The following MIR2052HG variants were observed in gnomAD, a reference collection of about 807,000 sequenced individuals.
MIR2052HG encodes the protein MIR2052 host gene.
In MIR2052HG at chr8:74,690,375, G is replaced by A. The variant is rs115046744; in HGVS notation, n.217-12004G>A. ...ATTCCAGATTGAGGAAACAGTGTGA[G>A]CTAATGTACAGAGGCAGGAATTTAG... On this transcript the variant is annotated intron_variant and non_coding_transcript_variant, in intron 2 of 6. Transcript: ENST00000523442. Among the ~76,000 whole-genome samples the A allele has an allele frequency of 5.3e-3, 805 of 152,290 alleles. 7 individuals carry two copies. Among genetic ancestry groups the A allele is most frequent in the African/African-American group, 0.018 (740 of 41,566 alleles).
At chr8:74,756,394 A>G (rs1160012963) in intron 5 of MIR2052HG, among the ~76,000 whole-genome samples, 1 of 152,200 alleles carries the variant, frequency 6.6e-6, no homozygotes, top group Non-Finnish European at 1.5e-5. Flanking sequence ...ATGATCACTC[A>G]TTAGGATAAT....
rs1365563531 is a variant in MIR2052HG at position 74,733,959 on chromosome 8, G to A, written n.372-18482G>A. Reference sequence around the variant, plus strand: ...CATGTCTAAAACACCAAAAGCAATGGCAACAAAAGCCAAAACTGACAAATG... The same window carrying A: ...CATGTCTAAAACACCAAAAGCAATGACAACAAAAGCCAAAACTGACAAATG... On this transcript the variant is annotated intron_variant and non_coding_transcript_variant, in intron 4 of 6. Transcript: ENST00000523442. 2.6e-5 allele frequency among the ~76,000 whole-genome samples: 4 copies of A among 152,210 alleles called. No homozygotes were observed. The East Asian group carries it at 7.7e-4, about 29-fold the overall frequency.
chr8:74,746,345 C>A (rs999207134), intron 4 of MIR2052HG, among the ~76,000 whole-genome samples: 1 of 152,078 alleles, frequency 6.6e-6, no homozygotes, highest in African/African-American at 2.4e-5. Flanking sequence ...CGACTTAATG[C>A]AACTACATTG....
intron 4 of MIR2052HG, among the ~76,000 whole-genome samples, chr8:74,727,392 G>A (rs866859194): frequency 6.6e-6 from 1 of 152,046 alleles, no homozygotes; most frequent in East Asian, 1.9e-4. Context: ...AACTAATTTT[G>A]TATTACATAT....
At chr8:74,692,795 T>G (rs1455054106) in intron 2 of MIR2052HG, among the ~76,000 whole-genome samples, 1 of 152,234 alleles carries the variant, frequency 6.6e-6, no homozygotes, top group African/African-American at 2.4e-5. Context: ...TGTAAGATGC[T>G]TTTCTGCCCA....
intron 4 of MIR2052HG, among the ~76,000 whole-genome samples, chr8:74,711,209 T>C (rs1728183626): frequency 6.6e-6 from 1 of 152,178 alleles, no homozygotes; most frequent in African/African-American, 2.4e-5. Context: ...CTGTCACACA[T>C]TCTCCTGGCT....
exon 1 of MIR2052HG, chr8:74,599,834 C>T (rs1156309644): frequency 8.2e-5 from 13 of 158,048 alleles, no homozygotes; most frequent in Middle Eastern, 3.0e-3. Context: ...GCCTCGCTGC[C>T]GCCTTGCAGT....
intron 4 of MIR2052HG, among the ~76,000 whole-genome samples, chr8:74,749,879 A>G (rs886939691): frequency 6.7e-6 from 1 of 150,112 alleles, no homozygotes; most frequent in African/African-American, 2.5e-5. Flanking sequence ...ATTGTAGGCT[A>G]CATTTGGAGT....
At chr8:74,723,733 G>A (rs150185043) in intron 4 of MIR2052HG, among the ~76,000 whole-genome samples, 3 of 152,296 alleles carry the variant, frequency 2.0e-5, no homozygotes, top group Non-Finnish European at 2.9e-5. Flanking sequence ...GCCATTTCAG[G>A]ATACTGTTGC....
intron 2 of MIR2052HG, among the ~76,000 whole-genome samples, chr8:74,659,281 A>G (rs892799795): frequency 2.6e-5 from 4 of 152,238 alleles, no homozygotes; most frequent in Non-Finnish European, 5.9e-5. Flanking sequence ...TAAGTAAATC[A>G]GAAACAGATG....
At chr8:74,652,999 A>G (rs1275750648) in intron 2 of MIR2052HG, among the ~76,000 whole-genome samples, 1 of 152,202 alleles carries the variant, frequency 6.6e-6, no homozygotes, top group Non-Finnish European at 1.5e-5. Context: ...TAGAATTCAC[A>G]ATTCATAGTG....
intron 2 of MIR2052HG, among the ~76,000 whole-genome samples, chr8:74,634,761 C>A (rs1231834052): frequency 1.3e-5 from 2 of 152,108 alleles, no homozygotes; most frequent in African/African-American, 4.8e-5. Context: ...GAGACATCTA[C>A]CACTACTTCA....
intron 4 of MIR2052HG, among the ~76,000 whole-genome samples, chr8:74,716,426 T>A (rs1381054280): frequency 6.6e-6 from 1 of 152,124 alleles, no homozygotes; most frequent in Non-Finnish European, 1.5e-5. Context: ...AAAGAATGAA[T>A]CCAGGGCCGG....
chr8:74,716,709 CA>C (rs200748422), intron 4 of MIR2052HG, among the ~76,000 whole-genome samples: 9 of 149,656 alleles, frequency 6.0e-5, no homozygotes, highest in South Asian at 2.1e-4. Context: ...GACTCTGTCT[CA>C]AAAAAAAAGA....
At chr8:74,697,887 C>G (rs1809314767) in intron 2 of MIR2052HG, among the ~76,000 whole-genome samples, 1 of 152,170 alleles carries the variant, frequency 6.6e-6, no homozygotes, top group Non-Finnish European at 1.5e-5. Context: ...GCATCCCATG[C>G]TCATGGATGG....
intron 2 of MIR2052HG, among the ~76,000 whole-genome samples, chr8:74,627,848 G>T (rs923751968): frequency 4.6e-5 from 7 of 152,180 alleles, no homozygotes; most frequent in Admixed American, 1.3e-4. Flanking sequence ...CTTTCTCAAT[G>T]ACCTCTTCCA....
At chr8:74,740,847 C>T (rs1281720938) in intron 4 of MIR2052HG, among the ~76,000 whole-genome samples, 4 of 152,118 alleles carry the variant, frequency 2.6e-5, no homozygotes, top group Admixed American at 2.6e-4. Context: ...CACTCAAATA[C>T]GTTATTTCCA....
intron 1 of MIR2052HG, among the ~76,000 whole-genome samples, chr8:74,600,983 T>C (rs917181063): frequency 4.6e-5 from 7 of 152,212 alleles, no homozygotes; most frequent in Non-Finnish European, 1.0e-4. Context: ...TATTCTTTGC[T>C]GCTTTACAAA....
intron 2 of MIR2052HG, among the ~76,000 whole-genome samples, chr8:74,645,270 A>C (rs1052013629): frequency 3.9e-5 from 6 of 152,084 alleles, no homozygotes; most frequent in Non-Finnish European, 5.9e-5. Flanking sequence ...AGTTCATAGA[A>C]GATTAAATCT....
Sources: gnomAD v4.1 joint callset for allele counts (sites outside exome capture counted in the v4.1 genomes callset) on GRCh38, gnomAD v4.1.1 for gene constraint, MANE v1.5 for transcripts, NCBI Gene and HGNC (gene_info 2026-07-23, HGNC 2026-07-21) for gene names.